TRAPPC9: variants seen among roughly 807,000 people sequenced by gnomAD.
The protein encoded by TRAPPC9 is trafficking protein particle complex subunit 9.
TRAPPC9 carries 83 observed loss-of-function variants against 124.0 expected under a neutral mutation model. That is an observed-to-expected ratio of 0.67 (90% CI 0.56 to 0.80). TRAPPC9 has a LOEUF of 0.80. TRAPPC9 is among the 30% of genes least tolerant of loss of function. The probability of loss-of-function intolerance (pLI) is 0.00; values close to 1 mark genes in which losing one functional copy is unlikely to be tolerated. For synonymous variants in TRAPPC9, 638 were observed against 617.5 expected (o/e 1.03, Z -0.49); for missense variants, 1,302 against 1,508.3 (o/e 0.86, Z 2.27).
chr8:139,947,907 T>TATATATATATATATATAGAGAGAGAC, intron 19 of TRAPPC9, among the ~76,000 whole-genome samples: 1 of 60,364 alleles, frequency 1.7e-5, no homozygotes, highest in African/African-American at 5.8e-5. Context: ...TATATATATA[T>TATATATATATATATATAGAGAGAGAC]AGAGAGAGAG....
At chr8:140,228,515 C>G (rs2063505955) in intron 16 of TRAPPC9, among the ~76,000 whole-genome samples, 1 of 152,286 alleles carries the variant, frequency 6.6e-6, no homozygotes, top group African/African-American at 2.4e-5. Flanking sequence ...GAATAGTGGC[C>G]TTCACATACT....
At chr8:140,273,142 G>A (rs1383807733) in intron 15 of TRAPPC9, among the ~76,000 whole-genome samples, 4 of 152,174 alleles carry the variant, frequency 2.6e-5, no homozygotes, top group Admixed American at 6.5e-5. Flanking sequence ...CTCCAGCACC[G>A]GAGCCGGGAC....
At chr8:140,152,320 T>C (rs550024809) in intron 17 of TRAPPC9, among the ~76,000 whole-genome samples, 3 of 150,248 alleles carry the variant, frequency 2.0e-5, no homozygotes, top group East Asian at 1.9e-4. Flanking sequence ...AGAGAATGCA[T>C]TGAACCTGTA....
At chr8:140,355,621 C>G (rs1189010455) in intron 9 of TRAPPC9, among the ~76,000 whole-genome samples, 2 of 152,000 alleles carry the variant, frequency 1.3e-5, no homozygotes, top group African/African-American at 2.4e-5. Flanking sequence ...GAAGATACAC[C>G]GAAGAGAGAT....
chr8:139,979,986 G>A (rs559704610), intron 19 of TRAPPC9, among the ~76,000 whole-genome samples: 3 of 152,244 alleles, frequency 2.0e-5, no homozygotes, highest in South Asian at 2.1e-4. Flanking sequence ...GGGAAGAAGC[G>A]ATCTGCTCTC....
chr8:140,311,518 G>C, intron 9 of TRAPPC9, 144 bp from the exon 10 acceptor site: 4 of 904,490 alleles, frequency 4.4e-6, no homozygotes, highest in Non-Finnish European at 6.8e-6. Context: ...AAAGAGACCA[G>C]AACAAAGCAG....
intron 9 of TRAPPC9, among the ~76,000 whole-genome samples, chr8:140,344,961 G>A (rs952848832): frequency 1.3e-5 from 2 of 152,260 alleles, no homozygotes; most frequent in African/African-American, 4.8e-5. Context: ...ACTAGACGTG[G>A]GGCCTGACGG....
chr8:140,366,354 T>C (rs901506034), intron 8 of TRAPPC9, among the ~76,000 whole-genome samples: 8 of 152,210 alleles, frequency 5.3e-5, no homozygotes, highest in African/African-American at 1.9e-4. Context: ...GTACTCAAGA[T>C]AGTGTGGTAC....
At chr8:140,197,151 AAAG>A (rs2062689978) in intron 17 of TRAPPC9, among the ~76,000 whole-genome samples, 1 of 152,228 alleles carries the variant, frequency 6.6e-6, no homozygotes, top group African/African-American at 2.4e-5. Context: ...ACTAGGAAGA[AAAG>A]AGGAGGAGAA....
intron 17 of TRAPPC9, among the ~76,000 whole-genome samples, chr8:140,079,355 A>C (rs1268393884): frequency 6.6e-6 from 1 of 151,964 alleles, no homozygotes; most frequent in Non-Finnish European, 1.5e-5. Flanking sequence ...CACTTAGTTC[A>C]CTCTTGGTTC....
chr8:139,753,473 T>C (rs1819501670), intron 21 of TRAPPC9, among the ~76,000 whole-genome samples: 4 of 152,206 alleles, frequency 2.6e-5, no homozygotes, highest in African/African-American at 9.6e-5. Context: ...GATTTCCCAA[T>C]AGCCGTTCAT....
intron 17 of TRAPPC9, among the ~76,000 whole-genome samples, chr8:140,134,316 G>C (rs1191791517): frequency 6.6e-6 from 1 of 151,988 alleles, no homozygotes. Flanking sequence ...ACCCAGGCTA[G>C]AATGCTGTGG....
chr8:139,925,825 A>ACGCACACGCACACG (rs796347430), intron 19 of TRAPPC9, among the ~76,000 whole-genome samples: 1 of 39,372 alleles, frequency 2.5e-5, no homozygotes, highest in African/African-American at 1.2e-4. Flanking sequence ...GCACACGCAC[A>ACGCACACGCACACG]CGCACACACA....
chr8:139,820,347 T>A (rs983750887), intron 21 of TRAPPC9, among the ~76,000 whole-genome samples: 20 of 151,972 alleles, frequency 1.3e-4, no homozygotes, highest in South Asian at 1.2e-3. Flanking sequence ...TGCCTGGCTA[T>A]TTTTTGTATT....
chr8:139,979,452 A>G (rs1193138139), intron 19 of TRAPPC9, among the ~76,000 whole-genome samples: 7 of 152,192 alleles, frequency 4.6e-5, no homozygotes, highest in South Asian at 2.1e-4. Context: ...GCTCGCAGAC[A>G]GCTGCAGCCT....
intron 15 of TRAPPC9, among the ~76,000 whole-genome samples, chr8:140,261,168 T>A (rs775730212): frequency 1.3e-5 from 2 of 152,178 alleles, no homozygotes; most frequent in Non-Finnish European, 2.9e-5. Flanking sequence ...CCCGCCTAGG[T>A]CATGTGCATG....
intron 21 of TRAPPC9, among the ~76,000 whole-genome samples, chr8:139,815,233 C>A (rs1185444235): frequency 6.6e-6 from 1 of 152,182 alleles, no homozygotes; most frequent in Non-Finnish European, 1.5e-5. Flanking sequence ...CTCCCAGCTC[C>A]CTGCCCGCCT....
rs117976991 is a variant in TRAPPC9 at position 140,076,941 on chromosome 8, G to A, written c.2557-52862C>T. Among the ~76,000 whole-genome samples the A allele has an allele frequency of 2.4e-3, 359 of 152,320 alleles. 3 individuals carry two copies. The East Asian group carries it at 0.03, about 13-fold the overall frequency. ...AGCACTTTGGGAGGCTGAGGCAGAA[G>A]GATGGCTTAAGCACAGGAGTTTAAG... On this transcript the variant is annotated intron_variant, in intron 17 of 22. Coordinates refer to ENST00000438773, the MANE Select transcript of TRAPPC9 (RefSeq NM_001160372.4).
At chr8:140,060,966 A>T (rs951946083) in intron 17 of TRAPPC9, among the ~76,000 whole-genome samples, 4 of 152,232 alleles carry the variant, frequency 2.6e-5, no homozygotes, top group Non-Finnish European at 5.9e-5. Flanking sequence ...AGAATGAGGG[A>T]TCTAACATTA....
Sources: gnomAD v4.1 joint callset for allele counts (sites outside exome capture counted in the v4.1 genomes callset) on GRCh38, gnomAD v4.1.1 for gene constraint, MANE v1.5 for transcripts, NCBI Gene and HGNC (gene_info 2026-07-23, HGNC 2026-07-21) for gene names.